Variants in TUT4 observed in about 807,000 individuals in gnomAD.
TUT4 encodes the protein terminal uridylyltransferase 4.
Under a neutral mutation model 192.2 loss-of-function variants are expected in TUT4, and 36 were observed. The ratio of observed to expected loss-of-function variants is 0.19; its 90% CI spans 0.14 to 0.25. The LOEUF is 0.25. Among genes scored for constraint, TUT4 ranks in the 10% least tolerant of loss-of-function variants. The probability of loss-of-function intolerance (pLI) is 1.00; values close to 1 mark genes in which losing one functional copy is unlikely to be tolerated. For missense variants in TUT4, 1,493 were observed against 1,957.2 expected (o/e 0.76, Z 4.47); for synonymous variants, 618 against 666.0 (o/e 0.93, Z 1.11).
At chr1:52,434,167 A>G (rs1184031215) in intron 27 of TUT4, 1 of 152,232 alleles carries the variant, frequency 6.6e-6, no homozygotes, top group Admixed American at 6.5e-5. Flanking sequence ...TAGGTATTCA[A>G]GTGTTTGAGG....
chr1:52,461,281 T>C, intron 18 of TUT4, 58 bp from the exon 19 acceptor site: 1 of 1,495,964 alleles, frequency 6.7e-7, no homozygotes, highest in South Asian at 1.2e-5. Flanking sequence ...AAACTACAAA[T>C]CAGATTTAAA....
intron 9 of TUT4, among the ~76,000 whole-genome samples, chr1:52,484,968 A>G (rs1009367723): frequency 2.6e-5 from 4 of 152,172 alleles, no homozygotes; most frequent in Non-Finnish European, 5.9e-5. Flanking sequence ...TGTAGCACTA[A>G]GCTCTAGCAG....
intron 28 of TUT4, among the ~76,000 whole-genome samples, chr1:52,427,570 A>T (rs1650399520): frequency 6.6e-6 from 1 of 152,230 alleles, no homozygotes; most frequent in South Asian, 2.1e-4. Context: ...GTCATGGCAT[A>T]TACACAATAA....
chr1:52,438,426 T>G, intron 24 of TUT4, 91 bp from the exon 25 acceptor site: 1 of 828,872 alleles, frequency 1.2e-6, no homozygotes, highest in Non-Finnish European at 1.9e-6. Flanking sequence ...CATGGTTTAT[T>G]TTTACAAAGA....
chr1:52,426,887 CATA>C lies in TUT4; in HGVS notation c.4712-1383_4712-1381del, dbSNP rs1337362323. Among the ~76,000 whole-genome samples, 7 of 152,148 alleles carry C rather than the reference CATA, an allele frequency of 4.6e-5. No individual in the cohort carries two copies. In the East Asian group the frequency reaches 7.7e-4, roughly 17 times the overall value. On this transcript the variant is annotated intron_variant, in intron 28 of 29. Coordinates refer to ENST00000257177, the MANE Select transcript of TUT4 (RefSeq NM_001009881.3). ...ATTTGAAAAATGGGGGAAAAAAACT[CATA>C]ATAATCTCCTCCGATACAACTATGA... is the stretch of plus-strand genomic sequence containing the variant.
chr1:52,518,482 A>G (rs572843111), intron 2 of TUT4, among the ~76,000 whole-genome samples: 6 of 152,178 alleles, frequency 3.9e-5, no homozygotes, highest in East Asian at 1.9e-4. Context: ...CTCCTTTTTT[A>G]TAAGGCCAGA....
chr1:52,452,822 C>T (rs1659822203), intron 20 of TUT4, among the ~76,000 whole-genome samples: 1 of 152,170 alleles, frequency 6.6e-6, no homozygotes, highest in African/African-American at 2.4e-5. Flanking sequence ...CCAAAGAGGT[C>T]GTCATAGGAA....
intron 3 of TUT4, among the ~76,000 whole-genome samples, chr1:52,510,487 A>C (rs910056049): frequency 2.0e-5 from 3 of 152,168 alleles, no homozygotes; most frequent in Non-Finnish European, 4.4e-5. Flanking sequence ...CAAACATGTA[A>C]GAAATTTCAA....
Position 52,461,178 on chromosome 1 carries a change from G to T in TUT4, c.3277C>A (p.Pro1093Thr). 1 of 1,607,224 alleles carries T rather than the reference G, an allele frequency of 6.2e-7. No individual in the cohort carries two copies. Residue 1093 changes from proline to threonine, a missense_variant, in exon 19 of 30, where the codon CCT becomes ACT. Physicochemically the swap from Pro to Thr is conservative, Grantham distance 38. Transcript: ENST00000257177. ...RMLATYAAID[P>T]RVQYLGYTMK... ...GTATATCCCAAATACTGCACTCTAG[G>T]ATCAATAGCTGCATAAGTAGCTAGC...
intron 1 of TUT4, among the ~76,000 whole-genome samples, chr1:52,543,773 T>C (rs12025283): frequency 0.35 from 53,338 of 151,610 alleles, 13,001 homozygotes; most frequent in African/African-American, 0.7. Context: ...CATGAGCCAC[T>C]GTGCCTGGCC....
chr1:52,431,464 CAGA>C lies in TUT4; in HGVS notation c.4264-7_4264-5del, dbSNP rs1652031830. 1 of 1,495,178 alleles carries C rather than the reference CAGA, an allele frequency of 6.7e-7. No individual in the cohort carries two copies. The highest frequency in any genetic ancestry group is 1.4e-5 in the African/African-American group (1 of 70,078). 92.6% of individuals were successfully genotyped at this position (1,495,178 alleles called of 1,614,324 possible). A position where few individuals can be genotyped will look rare whatever the true frequency, so the allele number is the denominator to read the frequency against. ...GAGAATAAGATGGTGATTCAGACTG[CAGA>C]CAAAAAAAAAATTTTTTTTAATTAA... On this transcript the variant is annotated splice_region_variant and splice_polypyrimidine_tract_variant and intron_variant, in intron 27 of 29. Coordinates refer to ENST00000257177, the MANE Select transcript of TUT4 (RefSeq NM_001009881.3).
At chr1:52,450,632 T>C (rs1256503028) in intron 20 of TUT4, among the ~76,000 whole-genome samples, 1 of 152,250 alleles carries the variant, frequency 6.6e-6, no homozygotes, top group Non-Finnish European at 1.5e-5. Context: ...AAGCATTAAA[T>C]GTTTCTGTTC....
intron 13 of TUT4, among the ~76,000 whole-genome samples, chr1:52,474,562 A>G (rs1472242190): frequency 6.6e-6 from 1 of 152,208 alleles, no homozygotes; most frequent in Non-Finnish European, 1.5e-5. Flanking sequence ...ACCTTTGCTA[A>G]GATTTTCATG....
chr1:52,446,439 T>G lies in TUT4; in HGVS notation c.3517A>C (p.Lys1173Gln), dbSNP rs769515018. 1 of 1,577,776 alleles carries G rather than the reference T, an allele frequency of 6.3e-7. No homozygotes were observed. Residue 1173 changes from lysine (K) to glutamine (Q), a missense_variant, in exon 22 of 30, where the codon AAG becomes CAG. Lys to Gln is a moderately conservative substitution (Grantham distance 53). Coordinates refer to ENST00000257177, the MANE Select transcript of TUT4 (RefSeq NM_001009881.3). ...FFFDKTEELK[K>Q]RLPSLGKNTE... is the part of the protein sequence containing the mutation. ...TTCTTTCCAAGTGAAGGTAAACGCT[T>G]TTTCTACATATAAAAAAAAAAAGAA...
At chr1:52,503,023 TTA>T (rs1184969916) in intron 4 of TUT4, among the ~76,000 whole-genome samples, 3 of 152,156 alleles carry the variant, frequency 2.0e-5, no homozygotes, top group Non-Finnish European at 4.4e-5. Context: ...TTTACAGATG[TTA>T]TGTCATTTAA....
At chr1:52,515,769 G>C in intron 3 of TUT4, 122 bp downstream of exon 3, 1 of 1,119,496 alleles carries the variant, frequency 8.9e-7, no homozygotes, top group African/African-American at 1.6e-5. Context: ...GAAGAGGGAA[G>C]TAAGGAAAGA....
intron 8 of TUT4, 123 bp from the exon 9 acceptor site, chr1:52,489,158 A>C: frequency 2.1e-6 from 2 of 936,026 alleles, no homozygotes; most frequent in Admixed American, 3.6e-5. Context: ...AAGCCCTAAT[A>C]AAAACAAATG....
chr1:52,507,867 G>A (rs1180353704), intron 4 of TUT4, among the ~76,000 whole-genome samples: 1 of 152,062 alleles, frequency 6.6e-6, no homozygotes, highest in Non-Finnish European at 1.5e-5. Flanking sequence ...CTAAAGTGAA[G>A]TGGTGTGACC....
chr1:52,551,860 C>T (rs1303776924), intron 1 of TUT4, among the ~76,000 whole-genome samples: 1 of 152,178 alleles, frequency 6.6e-6, no homozygotes, highest in South Asian at 2.1e-4. Context: ...TGTTCTGTTT[C>T]ATCAAGTGCT....
Sources: gnomAD v4.1 joint callset for allele counts (sites outside exome capture counted in the v4.1 genomes callset) on GRCh38, gnomAD v4.1.1 for gene constraint, MANE v1.5 for transcripts, NCBI Gene and HGNC (gene_info 2026-07-23, HGNC 2026-07-21) for gene names.